SRGAP1: variants seen among roughly 807,000 people sequenced by gnomAD.
SRGAP1 encodes SLIT-ROBO Rho GTPase-activating protein 1.
In SRGAP1, 43 loss-of-function variants were observed where a neutral mutation model predicts 121.9. The ratio of observed to expected loss-of-function variants is 0.35; its 90% confidence interval spans 0.28 to 0.46. The LOEUF (loss-of-function observed/expected upper bound fraction) is 0.46, where lower values mean the gene tolerates loss of function less well. SRGAP1 is among the 20% of genes least tolerant of loss of function. SRGAP1 has a pLI of 1.00. For synonymous variants in SRGAP1, 447 were observed against 485.4 expected, an observed-to-expected ratio of 0.92 and a Z score of 1.04; for missense variants, 1,102 against 1,350.9, an observed-to-expected ratio of 0.82 and a Z score of 2.89.
chr12:63,912,926 G>A (rs1031215040), intron 1 of SRGAP1, among the ~76,000 whole-genome samples: 2 of 151,626 alleles, frequency 1.3e-5, no homozygotes, highest in Admixed American at 6.6e-5. Flanking sequence ...AGTATCACTG[G>A]GGTTGCTTAC....
rs1392699255 is a variant in SRGAP1, at chr12:64,158,496, T to C, written c.*15824T>C. 6.6e-6 allele frequency: 1 copy of C among 152,200 alleles called. No homozygotes were observed. The highest frequency in any genetic ancestry group is 1.9e-4 in the East Asian group (1 of 5,198). The allele number at this position is 152,200 out of a possible 1,614,324, so 9.4% of individuals were successfully genotyped here. ...AGAATTAAATTAAAATCAGTATTGA[T>C]TGGATTATGCTTTGATAAAAATGTA... On this transcript the variant is annotated 3_prime_UTR_variant, in exon 22 of 22. Coordinates refer to ENST00000355086, the MANE Select transcript of SRGAP1 (RefSeq NM_020762.4).
At chr12:63,928,893 A>G (rs931693611) in intron 1 of SRGAP1, among the ~76,000 whole-genome samples, 2 of 152,182 alleles carry the variant, frequency 1.3e-5, no homozygotes, top group African/African-American at 4.8e-5. Context: ...CTGTGCTCCT[A>G]TGAGAATCTA....
At chr12:64,118,643 CTGA>C (rs369561976) in intron 18 of SRGAP1, among the ~76,000 whole-genome samples, 7 of 152,114 alleles carry the variant, frequency 4.6e-5, no homozygotes, top group African/African-American at 7.2e-5. Flanking sequence ...TTGCATTCTC[CTGA>C]TGATTAGTGA....
At chr12:63,985,679 A>T (rs1001885201) in intron 2 of SRGAP1, among the ~76,000 whole-genome samples, 1 of 152,230 alleles carries the variant, frequency 6.6e-6, no homozygotes, top group African/African-American at 2.4e-5. Flanking sequence ...TCCACCCTTT[A>T]ATTTCACTTG....
Position 63,886,437 on chromosome 12 carries a change from C to G in SRGAP1, c.67+41554C>G, listed in dbSNP as rs114041093. Among the ~76,000 whole-genome samples the G allele has an allele frequency of 9.7e-3, 1,455 of 150,438 alleles. 66 individuals are homozygous for G. The highest frequency in any genetic ancestry group is 0.034 in the African/African-American group (1,352 of 39,960). On this transcript the variant is annotated intron_variant, in intron 1 of 21. Coordinates refer to ENST00000355086, the MANE Select transcript of SRGAP1 (RefSeq NM_020762.4). Reference sequence around the variant, plus strand: ...TTGTAATTTGAGCCAAAGTAAAAACCCTTTTTTTTACTTTTTTATTTTAGA... The same window carrying G: ...TTGTAATTTGAGCCAAAGTAAAAACGCTTTTTTTTACTTTTTTATTTTAGA...
At chr12:63,914,530 C>A (rs2030693655) in intron 1 of SRGAP1, among the ~76,000 whole-genome samples, 1 of 152,220 alleles carries the variant, frequency 6.6e-6, no homozygotes, top group Admixed American at 6.5e-5. Context: ...ATAAAATAAT[C>A]TTTTTCCGTG....
chr12:64,022,773 A>C (rs1231671738), intron 4 of SRGAP1, among the ~76,000 whole-genome samples: 1 of 152,208 alleles, frequency 6.6e-6, no homozygotes, highest in Non-Finnish European at 1.5e-5. Flanking sequence ...TGTTCTGAAG[A>C]CAAATGGAAG....
At position 64,040,042 on chromosome 12, in the gene SRGAP1, T is replaced by C. The variant is rs2034983987; in HGVS notation, c.490-2748T>C. On this transcript the variant is annotated intron_variant, in intron 4 of 21. Coordinates refer to ENST00000355086, the MANE Select transcript of SRGAP1 (RefSeq NM_020762.4). ...TTTAACATGATTTACCAGCTTACATTTTTAAGGAAAGCCATCATCAGATTT... is the reference window on the plus strand; with the variant it reads ...TTTAACATGATTTACCAGCTTACATCTTTAAGGAAAGCCATCATCAGATTT... Among the ~76,000 whole-genome samples, 6 of 152,278 alleles carry C rather than the reference T, an allele frequency of 3.9e-5. No homozygotes were observed. In the South Asian group the frequency reaches 1.2e-3, roughly 32 times the overall value.
intron 15 of SRGAP1, 122 bp from the exon 16 acceptor site, chr12:64,108,810 A>G (rs932049382): frequency 1.8e-6 from 1 of 551,464 alleles, no homozygotes; most frequent in Non-Finnish European, 3.0e-6. Flanking sequence ...TTACAATTGG[A>G]TCTCACACAA....
chr12:63,973,986 A>G lies in SRGAP1; in HGVS notation c.68-9961A>G, dbSNP rs529714146. ...CAAAATGTAAATCTTTGTATTCTCTATAAATCAATAATTCCCACACACTGT... is the reference window on the plus strand; with the variant it reads ...CAAAATGTAAATCTTTGTATTCTCTGTAAATCAATAATTCCCACACACTGT... On this transcript the variant is annotated intron_variant, in intron 1 of 21. Coordinates refer to ENST00000355086, the MANE Select transcript of SRGAP1 (RefSeq NM_020762.4). Among the ~76,000 whole-genome samples the G allele has an allele frequency of 4.6e-5, 7 of 152,322 alleles. No homozygotes were observed. In the East Asian group the frequency reaches 5.8e-4, roughly 13 times the overall value.
At chr12:64,075,647 T>A (rs879692639) in intron 8 of SRGAP1, among the ~76,000 whole-genome samples, 1 of 152,214 alleles carries the variant, frequency 6.6e-6, no homozygotes, top group East Asian at 1.9e-4. Flanking sequence ...AAGAGCCTAT[T>A]TGACTAGTGT....
At chr12:64,005,242 T>C (rs1157449085) in intron 3 of SRGAP1, among the ~76,000 whole-genome samples, 1 of 152,202 alleles carries the variant, frequency 6.6e-6, no homozygotes, top group African/African-American at 2.4e-5. Flanking sequence ...TAATTTTCAA[T>C]AATTAGTAAA....
intron 1 of SRGAP1, among the ~76,000 whole-genome samples, chr12:63,890,946 C>T (rs1900558195): frequency 6.6e-6 from 1 of 152,210 alleles, no homozygotes; most frequent in Admixed American, 6.5e-5. Context: ...TCTCTGGTAG[C>T]CTTTTCTAAA....
At position 64,127,877 on chromosome 12, in the gene SRGAP1, G is replaced by GA; in HGVS notation, c.2558dup (p.Pro854AlafsTer13). The stretch of plus-strand genomic sequence containing the variant: ...AATGTCTAGGCAACGAAAAAGAGGA[G>GA]AGCCACCCCCTCCAGTAAGGCGTCC... On this transcript the variant is annotated frameshift_variant, in exon 21 of 22. Transcript: ENST00000355086. LOFTEE classifies it high-confidence loss of function. The GA allele has an allele frequency of 1.9e-6, 3 of 1,611,348 alleles. No homozygotes were observed. The highest frequency in any genetic ancestry group is 2.5e-6 in the Non-Finnish European group (3 of 1,178,208).
At chr12:63,967,832 G>A (rs938113998) in intron 1 of SRGAP1, among the ~76,000 whole-genome samples, 1 of 152,216 alleles carries the variant, frequency 6.6e-6, no homozygotes, top group Non-Finnish European at 1.5e-5. Flanking sequence ...GAGCAGAAGG[G>A]CTTTCCCCCA....
chr12:63,864,238 A>G (rs1297779638), intron 1 of SRGAP1, among the ~76,000 whole-genome samples: 1 of 152,202 alleles, frequency 6.6e-6, no homozygotes, highest in African/African-American at 2.4e-5. Context: ...GCAATCTTGG[A>G]ATTACGTTGT....
At chr12:64,094,812 C>T (rs2036122229) in intron 12 of SRGAP1, 120 bp from the exon 13 acceptor site, 3 of 915,400 alleles carry the variant, frequency 3.3e-6, no homozygotes, top group African/African-American at 3.3e-5. Context: ...ATGTATTTAA[C>T]TTGGTTTGCT....
At chr12:64,065,361 C>G (rs2035519629) in intron 8 of SRGAP1, 142 bp downstream of exon 8, 1 of 731,292 alleles carries the variant, frequency 1.4e-6, no homozygotes, top group African/African-American at 1.8e-5. Context: ...TCCTGTAGTA[C>G]TCTTTGTAGG....
At chr12:63,935,172 A>G (rs983621172) in intron 1 of SRGAP1, among the ~76,000 whole-genome samples, 1 of 151,262 alleles carries the variant, frequency 6.6e-6, no homozygotes, top group African/African-American at 2.5e-5. Context: ...CAAAAAGTAA[A>G]TGTTTTTTTA....
Sources: allele counts gnomAD v4.1 joint callset (sites outside exome capture counted in the v4.1 genomes callset), GRCh38; gene constraint gnomAD v4.1.1; transcripts MANE v1.5; gene names NCBI Gene and HGNC (gene_info 2026-07-23, HGNC 2026-07-21).